ADGRE3: variants seen among roughly 807,000 people sequenced by gnomAD.
ADGRE3 encodes the protein adhesion G protein-coupled receptor E3, also known as EGF-like module receptor 3.
ADGRE3 carries 88 observed loss-of-function variants against 80.1 expected under a neutral mutation model. The ratio of observed to expected loss-of-function variants is 1.10; its 90% confidence interval spans 0.93 to 1.31. The LOEUF (loss-of-function observed/expected upper bound fraction) is 1.31, where lower values mean the gene tolerates loss of function less well. Among genes scored for constraint, ADGRE3 ranks in the 40% most tolerant of loss-of-function variants. The pLI is 0.00. For missense variants in ADGRE3, 715 were observed against 776.5 expected, an observed-to-expected ratio of 0.92 and a Z score of 0.94; for synonymous variants, 281 against 294.8, an observed-to-expected ratio of 0.95 and a Z score of 0.48.
the ADGRE3 span, among the ~76,000 whole-genome samples, chr19:14,607,494 C>T: frequency 1.7e-4 from 25 of 151,510 alleles, no homozygotes; most frequent in South Asian, 6.2e-4. Context: ...TGAGCCACCG[C>T]GCCCGGCCAG....
chr19:14,642,826 AC>A (rs1425327903), intron 9 of ADGRE3, among the ~76,000 whole-genome samples: 7 of 152,084 alleles, frequency 4.6e-5, no homozygotes, highest in Non-Finnish European at 8.8e-5. Context: ...TATCCAGTCT[AC>A]CATTGATGGG....
rs368065969 is a variant in ADGRE3, at chr19:14,625,540, C to T, written c.1872G>A (p.Glu624=). 7 of 1,613,820 alleles carry T rather than the reference C, an allele frequency of 4.3e-6. No homozygotes were observed. The African/African-American group carries it at 8.0e-5, about 18-fold the overall frequency. Residue 624 remains glutamate, a synonymous_variant, in exon 15 of 16, where the codon GAG becomes GAA. Transcript: ENST00000253673. The part of the protein sequence containing the change: ...REIVKSKSES[E]TYTLSSKMGP... ...CCATCTTGCTGGAAAGTGTGTATGT[C>T]TCAGACTCAGATTTTGATTTTACGA...
At chr19:14,652,401 G>A (rs937682951) in intron 6 of ADGRE3, among the ~76,000 whole-genome samples, 1 of 151,770 alleles carries the variant, frequency 6.6e-6, no homozygotes, top group Non-Finnish European at 1.5e-5. Flanking sequence ...GGTGCATCAG[G>A]GATTTTATTC....
At chr19:14,629,453 G>A (rs144388124) in intron 14 of ADGRE3, among the ~76,000 whole-genome samples, 1 of 152,296 alleles carries the variant, frequency 6.6e-6, no homozygotes, top group African/African-American at 2.4e-5. Context: ...GGGCTTGGGT[G>A]TGTGACTTTC....
At position 14,621,982 on chromosome 19, in the gene ADGRE3, C is replaced by T. The variant is rs1970617136; in HGVS notation, c.1921-2511G>A. On this transcript the variant is annotated intron_variant, in intron 15 of 15. Coordinates refer to ENST00000253673, the MANE Select transcript of ADGRE3 (RefSeq NM_032571.5). ...AATGGGACACAGGATCAGGTTGGACCGGCTGGGGTAATTTGTCCCGACTTT... is the reference window on the plus strand; with the variant it reads ...AATGGGACACAGGATCAGGTTGGACTGGCTGGGGTAATTTGTCCCGACTTT... 2.7e-5 allele frequency: 28 copies of T among 1,020,546 alleles called. 10 individuals are homozygous for T. Among genetic ancestry groups the T allele is most frequent in the East Asian group, 2.1e-4 (8 of 38,050 alleles). The allele number at this position is 1,020,546 out of a possible 1,614,324, so 63.2% of individuals were successfully genotyped here.
At chr19:14,659,703 C>T (rs1303294028) in intron 4 of ADGRE3, among the ~76,000 whole-genome samples, 1 of 151,592 alleles carries the variant, frequency 6.6e-6, no homozygotes, top group Non-Finnish European at 1.5e-5. Flanking sequence ...TGCCTGTAAT[C>T]CCAGCTACTC....
In ADGRE3 at chr19:14,631,153, T is replaced by G. The variant is rs1037444654; in HGVS notation, c.1644-946A>C. Among the ~76,000 whole-genome samples, 11 of 152,146 alleles carry G rather than the reference T, an allele frequency of 7.2e-5. No individual in the cohort carries two copies. The East Asian group carries it at 2.1e-3, about 29-fold the overall frequency. On this transcript the variant is annotated intron_variant, in intron 13 of 15. Transcript: ENST00000253673. ...TCCCAAAGTGTTGGGATTACAGGTG[T>G]GAGCCACCCCACCCGGCCGGGGTCA...
intron 10 of ADGRE3, among the ~76,000 whole-genome samples, chr19:14,638,575 C>T (rs1044003095): frequency 8.5e-5 from 13 of 152,100 alleles, no homozygotes; most frequent in African/African-American, 2.9e-4. Context: ...CTTAGTGAGA[C>T]CCCATCTCAA....
At chr19:14,639,108 T>C (rs1444983679) in intron 10 of ADGRE3, among the ~76,000 whole-genome samples, 1 of 151,974 alleles carries the variant, frequency 6.6e-6, no homozygotes, top group Non-Finnish European at 1.5e-5. Flanking sequence ...CCCAGGCCAG[T>C]CTCCAACTCC....
At chr19:14,642,492 G>A (rs1057427934) in intron 9 of ADGRE3, among the ~76,000 whole-genome samples, 1 of 152,164 alleles carries the variant, frequency 6.6e-6, no homozygotes, top group African/African-American at 2.4e-5. Flanking sequence ...GTAAACCCCT[G>A]TCGCGGGGGT....
At chr19:14,608,159 A>T in the ADGRE3 span, among the ~76,000 whole-genome samples, 3 of 152,156 alleles carry the variant, frequency 2.0e-5, no homozygotes, top group African/African-American at 7.2e-5. Context: ...GGCTTGAGCC[A>T]CCACACCTGG....
At chr19:14,637,009 G>A (rs1439989093) in intron 11 of ADGRE3, among the ~76,000 whole-genome samples, 5 of 152,054 alleles carry the variant, frequency 3.3e-5, no homozygotes, top group Non-Finnish European at 7.4e-5. Context: ...CAGGAGAATC[G>A]CTTGAACCCG....
chr19:14,632,338 G>A (rs1970908100), intron 13 of ADGRE3, among the ~76,000 whole-genome samples: 1 of 152,152 alleles, frequency 6.6e-6, no homozygotes. Context: ...TGTATCTTGT[G>A]TAGTGTGGCA....
downstream of ADGRE3, among the ~76,000 whole-genome samples, chr19:14,618,230 T>A (rs1487736927): frequency 6.6e-6 from 1 of 151,982 alleles, no homozygotes; most frequent in Non-Finnish European, 1.5e-5. Context: ...CTCATATAAC[T>A]TTTTTTTCTT....
Position 14,639,984 on chromosome 19 carries a change from C to T in ADGRE3, c.1248+1435G>A, listed in dbSNP as rs370360319. Among the ~76,000 whole-genome samples the T allele has an allele frequency of 9.1e-4, 138 of 152,208 alleles. 3 individuals are homozygous for T. The highest frequency in any genetic ancestry group is 3.2e-3 in the African/African-American group (134 of 41,526). ...TCCTTTGACCAACATCTCCCTAAAC[C>T]CCTTCCCTGCTGCCTTAGTCTCTGC... On this transcript the variant is annotated intron_variant, in intron 10 of 15. Coordinates refer to ENST00000253673, the MANE Select transcript of ADGRE3 (RefSeq NM_032571.5).
chr19:14,667,546 T>C (rs1278134880), intron 2 of ADGRE3, among the ~76,000 whole-genome samples: 1 of 152,048 alleles, frequency 6.6e-6, no homozygotes, highest in Non-Finnish European at 1.5e-5. Flanking sequence ...TGCAGGGACA[T>C]AGATGAAGCT....
At chr19:14,674,113 G>GA (rs1348578805) in intron 1 of ADGRE3, among the ~76,000 whole-genome samples, 2 of 152,022 alleles carry the variant, frequency 1.3e-5, no homozygotes, top group Non-Finnish European at 2.9e-5. Context: ...AGAGAAAAAG[G>GA]AAAAAAGTCA....
intron 15 of ADGRE3, 83 bp downstream of exon 15, chr19:14,625,408 CA>C (rs528213157): frequency 7.5e-6 from 7 of 937,480 alleles, no homozygotes; most frequent in African/African-American, 6.7e-5. Flanking sequence ...AACAAACAAA[CA>C]AAAAAATCCC....
At chr19:14,631,575 G>A (rs902688017) in intron 13 of ADGRE3, among the ~76,000 whole-genome samples, 3 of 150,860 alleles carry the variant, frequency 2.0e-5, no homozygotes, top group Non-Finnish European at 2.9e-5. Flanking sequence ...TATAGTGATA[G>A]TGTATATAAA....
Sources: gnomAD v4.1 joint callset for allele counts (sites outside exome capture counted in the v4.1 genomes callset) on GRCh38, gnomAD v4.1.1 for gene constraint, MANE v1.5 for transcripts, NCBI Gene and HGNC (gene_info 2026-07-23, HGNC 2026-07-21) for gene names.